The following KPNA1 variants were observed in gnomAD, a reference collection of about 807,000 sequenced individuals.
KPNA1 encodes importin subunit alpha-5.
Under a neutral mutation model 70.5 loss-of-function variants are expected in KPNA1, and 10 were observed. The ratio of observed to expected loss-of-function variants is 0.14; its 90% CI spans 0.09 to 0.24. The LOEUF is 0.24. Among genes scored for constraint, KPNA1 ranks in the 10% least tolerant of loss-of-function variants. The probability of loss-of-function intolerance (pLI) is 1.00; values close to 1 mark genes in which losing one functional copy is unlikely to be tolerated. For missense variants in KPNA1, 397 were observed against 637.9 expected, an observed-to-expected ratio of 0.62 and a Z score of 4.07; for synonymous variants, 192 against 221.9, an observed-to-expected ratio of 0.87 and a Z score of 1.20.
intron 10 of KPNA1, among the ~76,000 whole-genome samples, chr3:122,437,828 ATAAT>A (rs1576282637): frequency 8.9e-6 from 1 of 112,904 alleles, no homozygotes; most frequent in East Asian, 4.2e-4. Context: ...AGAAACTAAA[ATAAT>A]ATAAGTTTGA....
intron 4 of KPNA1, among the ~76,000 whole-genome samples, chr3:122,462,459 T>C (rs1430660870): frequency 6.6e-6 from 1 of 152,074 alleles, no homozygotes; most frequent in Non-Finnish European, 1.5e-5. Context: ...GAAGGTAACC[T>C]CTCACCATAC....
At chr3:122,475,841 A>G (rs2076491945) in intron 2 of KPNA1, among the ~76,000 whole-genome samples, 1 of 152,236 alleles carries the variant, frequency 6.6e-6, no homozygotes, top group Non-Finnish European at 1.5e-5. Context: ...ATCATAAGGA[A>G]GAGAAAATAT....
At chr3:122,495,935 CA>C (rs1418796922) in intron 2 of KPNA1, among the ~76,000 whole-genome samples, 2 of 151,820 alleles carry the variant, frequency 1.3e-5, no homozygotes, top group Non-Finnish European at 2.9e-5. Flanking sequence ...TGTTAGATAA[CA>C]AAGAAATGTA....
At chr3:122,514,654 G>T (rs539329876) in intron 1 of KPNA1, 103 bp downstream of exon 1, 12 of 152,172 alleles carry the variant, frequency 7.9e-5, no homozygotes, top group Non-Finnish European at 1.3e-4. Flanking sequence ...AGGCCCTGCC[G>T]GCACCCGCCC....
rs368686663 is a variant in KPNA1 at position 122,433,638 on chromosome 3, T to C, written c.1250+23A>G. On this transcript the variant is annotated intron_variant, in intron 12 of 13. Transcript: ENST00000344337. ...ATAATAATTTTTCTTTAACTTACAA[T>C]ATGCTGCCTGATTGGTACTTACTTG... The C allele has an allele frequency of 2.5e-6, 4 of 1,569,504 alleles. No individual in the cohort carries two copies. The South Asian group carries it at 4.7e-5, about 19-fold the overall frequency.
At chr3:122,481,345 G>C (rs573121582) in intron 2 of KPNA1, among the ~76,000 whole-genome samples, 1 of 152,274 alleles carries the variant, frequency 6.6e-6, no homozygotes, top group African/African-American at 2.4e-5. Flanking sequence ...TGAGAAAAGG[G>C]AATGAAGTAC....
chr3:122,449,189 A>G (rs542191675), intron 9 of KPNA1, among the ~76,000 whole-genome samples: 1 of 152,366 alleles, frequency 6.6e-6, no homozygotes, highest in South Asian at 2.1e-4. Context: ...ATAAAGCAAA[A>G]TAAGATTGAA....
At position 122,489,060 on chromosome 3, in the gene KPNA1, G is replaced by GTA. The variant is rs1382114526; in HGVS notation, c.129+7376_129+7377insTA. Among the ~76,000 whole-genome samples, 3 of 128,356 alleles carry GTA rather than the reference G, an allele frequency of 2.3e-5. No individual in the cohort carries two copies. In the East Asian group the frequency reaches 6.1e-4, roughly 26 times the overall value. 84.2% of individuals were successfully genotyped at this position (128,356 alleles called of 152,430 possible). On this transcript the variant is annotated intron_variant, in intron 2 of 13. Coordinates refer to ENST00000344337, the MANE Select transcript of KPNA1 (RefSeq NM_002264.4). ...CGCTTGTGGGTTTTTTTGCGTGCGTGTGTGTGTGTGTGTGTGTGTGTGTGT... is the reference window on the plus strand; with the variant it reads ...CGCTTGTGGGTTTTTTTGCGTGCGTGTATGTGTGTGTGTGTGTGTGTGTGTGT...
At chr3:122,471,188 T>G (rs1560039876) in intron 2 of KPNA1, among the ~76,000 whole-genome samples, 1 of 151,910 alleles carries the variant, frequency 6.6e-6, no homozygotes, top group Non-Finnish European at 1.5e-5. Flanking sequence ...GGGGTGAGAG[T>G]AAGGGCAGGA....
intron 2 of KPNA1, among the ~76,000 whole-genome samples, chr3:122,472,250 A>G (rs1395968682): frequency 6.6e-6 from 1 of 152,206 alleles, no homozygotes; most frequent in Non-Finnish European, 1.5e-5. Context: ...TCAGGTCACA[A>G]TAAAATTAAA....
intron 5 of KPNA1, chr3:122,457,718 C>T: frequency 1.6e-6 from 2 of 1,286,576 alleles, no homozygotes; most frequent in Non-Finnish European, 2.0e-6. Flanking sequence ...AGCTGAAGTA[C>T]TTCTGACCTC....
At position 122,425,658 on chromosome 3, in the gene KPNA1, G is replaced by A. The variant is rs2075813445; in HGVS notation, c.*1327C>T. 6.6e-6 allele frequency: 1 copy of A among 152,604 alleles called. No individual in the cohort carries two copies. The highest frequency in any genetic ancestry group is 1.5e-5 in the Non-Finnish European group (1 of 68,058). 9.5% of individuals were successfully genotyped at this position (152,604 alleles called of 1,614,324 possible). A position where few individuals can be genotyped will look rare whatever the true frequency, so the allele number is the denominator to read the frequency against. On this transcript the variant is annotated 3_prime_UTR_variant, in exon 14 of 14. Transcript: ENST00000344337. The stretch of plus-strand genomic sequence containing the variant: ...CACAGTACTGGAAGCGCCATTTGCA[G>A]GTACAGATTGCAGTCATCATTAAAT...
At chr3:122,475,816 A>T (rs1464347103) in intron 2 of KPNA1, among the ~76,000 whole-genome samples, 1 of 152,198 alleles carries the variant, frequency 6.6e-6, no homozygotes, top group Non-Finnish European at 1.5e-5. Flanking sequence ...CAGAAAAGAA[A>T]ATGTTATTTA....
intron 2 of KPNA1, among the ~76,000 whole-genome samples, chr3:122,485,867 TA>T (rs1324225007): frequency 1.3e-4 from 20 of 152,218 alleles, no homozygotes; most frequent in Non-Finnish European, 2.8e-4. Flanking sequence ...TAAACTTTTT[TA>T]AAAAAGAAAA....
intron 10 of KPNA1, among the ~76,000 whole-genome samples, chr3:122,439,365 A>G (rs974622716): frequency 6.6e-6 from 1 of 152,040 alleles, no homozygotes; most frequent in African/African-American, 2.4e-5. Flanking sequence ...TTAAAAAAAA[A>G]TGTTTTTAGA....
At chr3:122,480,011 G>C (rs2076552437) in intron 2 of KPNA1, among the ~76,000 whole-genome samples, 1 of 152,126 alleles carries the variant, frequency 6.6e-6, no homozygotes, top group Non-Finnish European at 1.5e-5. Context: ...GCCGTGGAAA[G>C]ACATGGAAGA....
At chr3:122,483,331 T>C (rs1423920896) in intron 2 of KPNA1, 1 of 155,488 alleles carries the variant, frequency 6.4e-6, no homozygotes, top group Non-Finnish European at 1.4e-5. Flanking sequence ...TTCTGGTTTT[T>C]TCATTGTTGT....
chr3:122,440,972 T>C (rs1298547313), intron 10 of KPNA1, among the ~76,000 whole-genome samples: 1 of 152,238 alleles, frequency 6.6e-6, no homozygotes, highest in African/African-American at 2.4e-5. Context: ...CTAATCTCCT[T>C]AATTTTAGAG....
chr3:122,469,429 GAAGT>G lies in KPNA1; in HGVS notation c.130-2004_130-2001del, dbSNP rs569495406. ...CTCAGACCTTAGTTACAGATTAAAA[GAAGT>G]TTCATCACTTATGTCTTTAGATGAA... On this transcript the variant is annotated intron_variant, in intron 2 of 13. Transcript: ENST00000344337. Among the ~76,000 whole-genome samples the G allele has an allele frequency of 1.4e-4, 21 of 152,260 alleles. No individual in the cohort carries two copies. The South Asian group carries it at 4.4e-3, about 32-fold the overall frequency.
Sources: allele counts gnomAD v4.1 joint callset (sites outside exome capture counted in the v4.1 genomes callset), GRCh38; gene constraint gnomAD v4.1.1; transcripts MANE v1.5; gene names NCBI Gene and HGNC (gene_info 2026-07-23, HGNC 2026-07-21).